FBXO34: variants seen among roughly 807,000 people sequenced by gnomAD.
The protein encoded by FBXO34 is F-box only protein 34.
A neutral mutation model predicts 24.5 loss-of-function variants in FBXO34; 12 were observed. The ratio of observed to expected loss-of-function variants is 0.49; its 90% confidence interval spans 0.31 to 0.79. FBXO34 has a LOEUF of 0.79. Among genes scored for constraint, FBXO34 ranks in the 30% least tolerant of loss-of-function variants. The pLI is 0.04. For synonymous variants in FBXO34, 320 were observed against 311.9 expected, an observed-to-expected ratio of 1.03 and a Z score of -0.27; for missense variants, 823 against 857.7, an observed-to-expected ratio of 0.96 and a Z score of 0.51.
At chr14:55,328,202 A>ACCTG (rs1181515235) in intron 1 of FBXO34, among the ~76,000 whole-genome samples, 1 of 151,914 alleles carries the variant, frequency 6.6e-6, no homozygotes, top group Non-Finnish European at 1.5e-5. Context: ...CAAGTGATCC[A>ACCTG]CCTGCCCCAG....
chr14:55,348,195 G>C (rs1418893621), intron 1 of FBXO34, among the ~76,000 whole-genome samples: 7 of 152,128 alleles, frequency 4.6e-5, no homozygotes, highest in African/African-American at 1.7e-4. Flanking sequence ...GGTTTTGTTT[G>C]GTTGGTTGGT....
At chr14:55,298,604 G>A in intron 1 of FBXO34, 1 of 1,060,616 alleles carries the variant, frequency 9.4e-7, no homozygotes, top group South Asian at 1.6e-5. Flanking sequence ...GGGCGCCGGA[G>A]CCCAGCCGGA....
chr14:55,341,104 A>G (rs1199831300), intron 1 of FBXO34, among the ~76,000 whole-genome samples: 1 of 152,124 alleles, frequency 6.6e-6, no homozygotes, highest in Non-Finnish European at 1.5e-5. Context: ...TCTTGCAGCA[A>G]AGGAAAGAGG....
Position 55,351,159 on chromosome 14 carries a change from G to C in FBXO34, c.769G>C (p.Ala257Pro). The stretch of plus-strand genomic sequence containing the variant: ...GTCTGAGTCCTATTCTGCCCCAGGA[G>C]CTTGTGAAGAACCCACAGAAAGGGG... Reference protein sequence around the residue: ...AVSESYSAPGACEEPTERGNL... With the variant: ...AVSESYSAPGPCEEPTERGNL... Residue 257 changes from alanine (A) to proline (P), a missense_variant, in exon 2 of 2, where the codon GCT becomes CCT. Physicochemically the swap from Ala to Pro is conservative, Grantham distance 27. This residue lies in a region of FBXO34 where 693 missense variants were observed against 659.1 expected (regional missense o/e 1.05). Coordinates refer to ENST00000313833, the MANE Select transcript of FBXO34 (RefSeq NM_017943.4). 1 of 1,614,216 alleles carries C rather than the reference G, an allele frequency of 6.2e-7. No homozygotes were observed. The highest frequency in any genetic ancestry group is 1.1e-5 in the South Asian group (1 of 91,090).
chr14:55,352,486 A>T lies in FBXO34; in HGVS notation c.2096A>T (p.His699Leu). Residue 699 changes from histidine (H) to leucine (L), a missense_variant, in exon 2 of 2, where the codon CAT (histidine) becomes CTT (leucine). Transcript: ENST00000313833. ...TGCCACAGCTTTAATCGGGCAATCC[A>T]TAAGAAAGCAAAAGGGACTGAAGCT... ...PACHSFNRAI[H>L]KKAKGTEAEE... The T allele has an allele frequency of 6.2e-7, 1 of 1,612,710 alleles. No homozygotes were observed. Among genetic ancestry groups the T allele is most frequent in the Non-Finnish European group, 8.5e-7 (1 of 1,179,328 alleles).
chr14:55,391,005 T>C, the FBXO34 span: 3 of 1,588,090 alleles, frequency 1.9e-6, no homozygotes, highest in Non-Finnish European at 1.7e-6. Context: ...GAAAAAAGCA[T>C]GTAATAAATA....
At chr14:55,340,234 T>G (rs1035025968) in intron 1 of FBXO34, among the ~76,000 whole-genome samples, 1 of 152,134 alleles carries the variant, frequency 6.6e-6, no homozygotes, top group Non-Finnish European at 1.5e-5. Context: ...CTTGTTATCC[T>G]GAATTTTTAC....
At chr14:55,272,560 C>A in intron 1 of FBXO34, among the ~76,000 whole-genome samples, 1 of 142,588 alleles carries the variant, frequency 7.0e-6, no homozygotes. Context: ...CATCTATCTG[C>A]TTGTTAGCAT....
intron 3 of FBXO34, among the ~76,000 whole-genome samples, chr14:55,359,675 C>T (rs1411533926): frequency 6.6e-6 from 1 of 152,148 alleles, no homozygotes; most frequent in African/African-American, 2.4e-5. Flanking sequence ...CTTCCTTTCA[C>T]GAAAGATTTC....
intron 1 of FBXO34, among the ~76,000 whole-genome samples, chr14:55,278,346 C>T (rs1453544301): frequency 1.3e-5 from 2 of 152,066 alleles, no homozygotes; most frequent in Non-Finnish European, 2.9e-5. Context: ...GGTATTGTTC[C>T]AGTTTTCTGA....
chr14:55,332,891 G>A lies in FBXO34; in HGVS notation c.-10-17490G>A, dbSNP rs189685636. The stretch of plus-strand genomic sequence containing the variant: ...TTGTGGTGACATGAGAGCCACTAGC[G>A]GACAGAGACTGGGGAGAAGGATTGA... On this transcript the variant is annotated intron_variant, in intron 1 of 1. Coordinates refer to ENST00000313833, the MANE Select transcript of FBXO34 (RefSeq NM_017943.4). Among the ~76,000 whole-genome samples the A allele has an allele frequency of 2.0e-4, 31 of 152,292 alleles. No homozygotes were observed. The South Asian group carries it at 5.2e-3, about 25-fold the overall frequency.
rs1884461371 is a variant in FBXO34, at chr14:55,353,436, A to G, written c.*910A>G. On this transcript the variant is annotated 3_prime_UTR_variant, in exon 2 of 2. Transcript: ENST00000313833. ...TAACCTGCTCAAAGGATACCAAATA[A>G]TGGTTTAACTGGACAACCTGAAAAT... The G allele has an allele frequency of 6.0e-6, 1 of 167,120 alleles. No individual in the cohort carries two copies. The highest frequency in any genetic ancestry group is 2.4e-5 in the African/African-American group (1 of 41,476). 10.4% of individuals were successfully genotyped at this position (167,120 alleles called of 1,614,324 possible). A position where few individuals can be genotyped will look rare whatever the true frequency, so the allele number is the denominator to read the frequency against.
chr14:55,356,227 C>T (rs556179602), downstream of FBXO34, among the ~76,000 whole-genome samples: 42 of 152,268 alleles, frequency 2.8e-4, no homozygotes, highest in African/African-American at 7.0e-4. Context: ...TCCATAGCTC[C>T]GTTCCTTCTT....
Position 55,351,623 on chromosome 14 carries a change from C to A in FBXO34, c.1233C>A (p.Leu411=). The change falls in exon 2 of 2, where the codon CTC becomes CTA. Residue 411 remains leucine, a synonymous_variant. Coordinates refer to ENST00000313833, the MANE Select transcript of FBXO34 (RefSeq NM_017943.4). The part of the protein sequence containing the change: ...NRYDVEMTDE[L]VGLPFSSHTY... Reference sequence around the variant, plus strand: ...ATGATGTGGAAATGACAGATGAACTCGTTGGGTTACCTTTTTCCTCTCATA... The same window carrying A: ...ATGATGTGGAAATGACAGATGAACTAGTTGGGTTACCTTTTTCCTCTCATA... 6.2e-7 allele frequency: 1 copy of A among 1,614,182 alleles called. No individual in the cohort carries two copies. The highest frequency in any genetic ancestry group is 1.6e-4 in the Middle Eastern group (1 of 6,062).
chr14:55,371,821 A>C (rs2140118272), downstream of FBXO34, among the ~76,000 whole-genome samples: 1 of 149,814 alleles, frequency 6.7e-6, no homozygotes, highest in Non-Finnish European at 1.5e-5. Context: ...AAACAAAAAA[A>C]CAAAGAGCCC....
Position 55,352,051 on chromosome 14 carries a change from T to A in FBXO34, c.1661T>A (p.Val554Glu), listed in dbSNP as rs1462364348. ...VLEASSWKKQVSHDFLETRFK... is the reference protein window; with the variant it reads ...VLEASSWKKQESHDFLETRFK... ...GAGGCATCCAGTTGGAAGAAGCAGG[T>A]GTCGCATGACTTCCTGGAGACCAGG... The change falls in exon 2 of 2, where the codon GTG becomes GAG. Residue 554 changes from valine to glutamate, a missense_variant. Physicochemically the swap from Val to Glu is moderately radical, Grantham distance 121. Coordinates refer to ENST00000313833, the MANE Select transcript of FBXO34 (RefSeq NM_017943.4). The A allele has an allele frequency of 6.2e-7, 1 of 1,614,082 alleles. No homozygotes were observed. The highest frequency in any genetic ancestry group is 1.3e-5 in the African/African-American group (1 of 74,926).
the FBXO34 span, chr14:55,391,086 A>G: frequency 1.3e-6 from 1 of 796,552 alleles, no homozygotes; most frequent in Non-Finnish European, 2.0e-6. Flanking sequence ...CAGATATGTC[A>G]GAAAACATAA....
chr14:55,330,765 G>T (rs542458747), intron 1 of FBXO34, among the ~76,000 whole-genome samples: 122 of 152,256 alleles, frequency 8.0e-4, no homozygotes, highest in African/African-American at 2.8e-3. Flanking sequence ...CACTCGGCCT[G>T]GGCAACAGAG....
rs1322385240 is a variant in FBXO34, at chr14:55,331,601, TA to T, written c.-10-18773del. Among the ~76,000 whole-genome samples, 277 of 136,470 alleles carry T rather than the reference TA, an allele frequency of 2.0e-3. 2 individuals are homozygous for T. The highest frequency in any genetic ancestry group is 7.0e-3 in the African/African-American group (256 of 36,520). The allele number at this position is 136,470 out of a possible 152,430, so 89.5% of individuals were successfully genotyped here. A position where few individuals can be genotyped will look rare whatever the true frequency, so the allele number is the denominator to read the frequency against. On this transcript the variant is annotated intron_variant, in intron 1 of 1. Transcript: ENST00000313833. ...CCAACATGGTGTGTGTGTATATATATAAAAAAATATAAAATATATAAAAATA... is the reference window on the plus strand; with the variant it reads ...CCAACATGGTGTGTGTGTATATATATAAAAAATATAAAATATATAAAAATA...
Sources: gnomAD v4.1 joint callset for allele counts (sites outside exome capture counted in the v4.1 genomes callset) on GRCh38, gnomAD v4.1.1 for gene constraint, gnomAD v4.1.1 regional missense constraint, MANE v1.5 for transcripts, NCBI Gene and HGNC (gene_info 2026-07-23, HGNC 2026-07-21) for gene names.